Variants in PACSIN1 observed in about 807,000 individuals in gnomAD.
The protein encoded by PACSIN1 is protein kinase C and casein kinase substrate in neurons protein 1.
PACSIN1 carries 15 observed loss-of-function variants against 59.5 expected under a neutral mutation model. The ratio of observed to expected loss-of-function variants is 0.25; its 90% CI spans 0.17 to 0.39. The LOEUF (loss-of-function observed/expected upper bound fraction) is 0.39, where lower values mean the gene tolerates loss of function less well. Among genes scored for constraint, PACSIN1 ranks in the 10% least tolerant of loss-of-function variants. The pLI is 1.00. For missense variants in PACSIN1, 420 were observed against 580.2 expected, an observed-to-expected ratio of 0.72 and a Z score of 2.84; for synonymous variants, 210 against 220.6, an observed-to-expected ratio of 0.95 and a Z score of 0.42.
chr6:34,511,267 C>G (rs995995496), intron 1 of PACSIN1, among the ~76,000 whole-genome samples: 14 of 152,176 alleles, frequency 9.2e-5, no homozygotes, highest in African/African-American at 3.4e-4. Flanking sequence ...ATGGGGCGAG[C>G]CCCTTAACCT....
rs1027140894 is a variant in PACSIN1 at position 34,507,080 on chromosome 6, T to A, written c.-63-19163T>A. 2.0e-5 allele frequency among the ~76,000 whole-genome samples: 3 copies of A among 152,362 alleles called. No homozygotes were observed. The East Asian group carries it at 5.8e-4, about 29-fold the overall frequency. ...TTGTCTTGCTAGGCTGGGTCTCTGC[T>A]GATCCTTTGGCTAAAGAGAGCAGGT... On this transcript the variant is annotated intron_variant, in intron 1 of 9. Transcript: ENST00000244458.
At position 34,533,831 on chromosome 6, in the gene PACSIN1, G is replaced by A. The variant is rs1222292613; in HGVS notation, c.*1301G>A. 1 of 152,378 alleles carries A rather than the reference G, an allele frequency of 6.6e-6. No homozygotes were observed. Among genetic ancestry groups the A allele is most frequent in the Non-Finnish European group, 1.5e-5 (1 of 68,168 alleles). The allele number at this position is 152,378 out of a possible 1,614,324, so 9.4% of individuals were successfully genotyped here. A position where few individuals can be genotyped will look rare whatever the true frequency, so the allele number is the denominator to read the frequency against. On this transcript the variant is annotated 3_prime_UTR_variant, in exon 10 of 10. Transcript: ENST00000244458. Reference sequence around the variant, plus strand: ...GGTCAGAGTGAAAGGACCTTTGGGGGTGGGTGGGAGCAAAGGGCCCACCTG... The same window carrying A: ...GGTCAGAGTGAAAGGACCTTTGGGGATGGGTGGGAGCAAAGGGCCCACCTG...
At chr6:34,503,856 T>C (rs73746661) in intron 1 of PACSIN1, among the ~76,000 whole-genome samples, 2,962 of 152,316 alleles carry the variant, frequency 0.019, 63 homozygotes, top group African/African-American at 0.058. Context: ...CGGATCAGAA[T>C]AGAAAATATT....
chr6:34,523,568 C>T (rs1767434076), intron 1 of PACSIN1, among the ~76,000 whole-genome samples: 1 of 152,234 alleles, frequency 6.6e-6, no homozygotes, highest in African/African-American at 2.4e-5. Flanking sequence ...TGAGAGAAGG[C>T]AGATGGGCCT....
At position 34,518,723 on chromosome 6, in the gene PACSIN1, G is replaced by C. The variant is rs1289845647; in HGVS notation, c.-63-7520G>C. Among the ~76,000 whole-genome samples, 1 of 152,246 alleles carries C rather than the reference G, an allele frequency of 6.6e-6. No homozygotes were observed. The highest frequency in any genetic ancestry group is 1.5e-5 in the Non-Finnish European group (1 of 68,038). ...TGGGGTATGTAAACGCCACCTTCCA[G>C]TGGCTCTCCACCACCCTTTGCCCTG... On this transcript the variant is annotated intron_variant, in intron 1 of 9. Coordinates refer to ENST00000244458, the MANE Select transcript of PACSIN1 (RefSeq NM_020804.5). This position sits in a 1 kb window ranked among gnomAD's most constrained non-coding sequence, Gnocchi z 4.4.
chr6:34,500,642 C>A (rs1272373563), intron 1 of PACSIN1, among the ~76,000 whole-genome samples: 2 of 152,184 alleles, frequency 1.3e-5, no homozygotes, highest in Non-Finnish European at 2.9e-5. Flanking sequence ...TTAAAATCAC[C>A]AGCTGCTTTA....
intron 1 of PACSIN1, among the ~76,000 whole-genome samples, chr6:34,519,436 C>T (rs938561941): frequency 6.6e-6 from 1 of 152,120 alleles, no homozygotes; most frequent in Admixed American, 6.5e-5. Context: ...GGTTTTCAGA[C>T]CCAAAGAGAA....
At chr6:34,490,073 G>GTT (rs141584809) in intron 1 of PACSIN1, among the ~76,000 whole-genome samples, 20 of 147,586 alleles carry the variant, frequency 1.4e-4, no homozygotes, top group Non-Finnish European at 2.1e-4. Context: ...GTTCTCTCTT[G>GTT]TTTTTTTTTT....
chr6:34,507,362 T>C (rs186353578), intron 1 of PACSIN1, among the ~76,000 whole-genome samples: 19 of 152,130 alleles, frequency 1.2e-4, no homozygotes, highest in Non-Finnish European at 2.6e-4. Flanking sequence ...TCTTCTTCTG[T>C]TTGTTTTATA....
At position 34,534,860 on chromosome 6, in the gene PACSIN1, C is replaced by G. The variant is rs1487073862; in HGVS notation, c.*2330C>G. 6.5e-6 allele frequency: 1 copy of G among 152,780 alleles called. No individual in the cohort carries two copies. The highest frequency in any genetic ancestry group is 6.5e-5 in the Admixed American group (1 of 15,296). 9.5% of individuals were successfully genotyped at this position (152,780 alleles called of 1,614,324 possible). On this transcript the variant is annotated 3_prime_UTR_variant, in exon 10 of 10. Transcript: ENST00000244458. ...GTGCTGGTGTCAGGGCACTCAACAC[C>G]GAGTGTGGGGGCCACGCCCCTTGCC... is the stretch of plus-strand genomic sequence containing the variant.
At chr6:34,478,223 C>A (rs942492038) in intron 1 of PACSIN1, among the ~76,000 whole-genome samples, 2 of 151,042 alleles carry the variant, frequency 1.3e-5, no homozygotes, top group Admixed American at 6.6e-5. Context: ...CAGTGCCCAG[C>A]TAATTTTTTG....
intron 1 of PACSIN1, among the ~76,000 whole-genome samples, chr6:34,479,926 A>G (rs1006437358): frequency 1.3e-5 from 2 of 151,966 alleles, no homozygotes; most frequent in Non-Finnish European, 2.9e-5. Context: ...CCTGGGCTCA[A>G]GTGATTTTCC....
At chr6:34,519,439 AAAGAGAAAGC>A (rs1173815141) in intron 1 of PACSIN1, among the ~76,000 whole-genome samples, 1 of 152,182 alleles carries the variant, frequency 6.6e-6, no homozygotes, top group Non-Finnish European at 1.5e-5. Flanking sequence ...TTTCAGACCC[AAAGAGAAAGC>A]AAGAGGAAGC....
intron 1 of PACSIN1, among the ~76,000 whole-genome samples, chr6:34,489,550 T>A (rs1222753287): frequency 6.6e-6 from 1 of 152,146 alleles, no homozygotes; most frequent in African/African-American, 2.4e-5. Flanking sequence ...TTCCAAGAGC[T>A]ATCATAGTAG....
rs963474015 is a variant in PACSIN1 at position 34,529,337 on chromosome 6, G to A, written c.457-60G>A. The A allele has an allele frequency of 3.1e-6, 5 of 1,594,252 alleles. No homozygotes were observed. In the African/African-American group the frequency reaches 6.7e-5, roughly 21 times the overall value. ...GTGGGCAGGGGAGGAGTTAATGGGT[G>A]ACCATGTTTGCTGCTGGTCACAAAT... is the stretch of plus-strand genomic sequence containing the variant. On this transcript the variant is annotated intron_variant, in intron 4 of 9. Coordinates refer to ENST00000244458, the MANE Select transcript of PACSIN1 (RefSeq NM_020804.5). The surrounding 1 kb of genome is among the most constrained non-coding windows in gnomAD (Gnocchi z 6.3).
chr6:34,469,533 G>A (rs1488598613), intron 1 of PACSIN1, among the ~76,000 whole-genome samples: 1 of 152,212 alleles, frequency 6.6e-6, no homozygotes, highest in Non-Finnish European at 1.5e-5. Flanking sequence ...GGATGAAGGG[G>A]AAGTGGACTC....
chr6:34,475,960 C>T (rs185011397), intron 1 of PACSIN1, among the ~76,000 whole-genome samples: 22 of 152,266 alleles, frequency 1.4e-4, no homozygotes, highest in Admixed American at 1.2e-3. Context: ...GCGGACAAAT[C>T]GTCTTAGTGG....
In PACSIN1 at chr6:34,532,171, G is replaced by A. The variant is rs1767609151; in HGVS notation, c.1226-250G>A. 6.6e-6 allele frequency among the ~76,000 whole-genome samples: 1 copy of A among 152,044 alleles called. No individual in the cohort carries two copies. The highest frequency in any genetic ancestry group is 1.5e-5 in the Non-Finnish European group (1 of 67,986). On this transcript the variant is annotated intron_variant, in intron 9 of 9. Coordinates refer to ENST00000244458, the MANE Select transcript of PACSIN1 (RefSeq NM_020804.5). The surrounding 1 kb of genome is among the most constrained non-coding windows in gnomAD (Gnocchi z 5.2). ...CAGAACCTGAGAATAGTGTGGATGC[G>A]AGGTCTGGTTTTGGGGACGGACCCG... is the stretch of plus-strand genomic sequence containing the variant.
At chr6:34,470,771 A>C (rs1766561600) in intron 1 of PACSIN1, among the ~76,000 whole-genome samples, 1 of 152,126 alleles carries the variant, frequency 6.6e-6, no homozygotes, top group South Asian at 2.1e-4. Flanking sequence ...CTTTCTATAT[A>C]AAATGCAGCA....
Sources: allele counts gnomAD v4.1 joint callset (sites outside exome capture counted in the v4.1 genomes callset), GRCh38; gene constraint gnomAD v4.1.1; non-coding constraint Gnocchi (gnomAD v3.1); transcripts MANE v1.5; gene names NCBI Gene and HGNC (gene_info 2026-07-23, HGNC 2026-07-21).